Variants in SPAG16 observed in about 807,000 individuals in gnomAD.
SPAG16 encodes sperm associated antigen 16, also known as sperm-associated antigen 16 protein.
A neutral mutation model predicts 80.4 loss-of-function variants in SPAG16; 86 were observed. The ratio of observed to expected loss-of-function variants is 1.07; its 90% CI spans 0.90 to 1.28. The LOEUF is 1.28. Ranked by LOEUF, SPAG16 falls within the 50% of genes most tolerant of loss-of-function variation. SPAG16 has a pLI of 0.00. For missense variants in SPAG16, 870 were observed against 765.3 expected, an observed-to-expected ratio of 1.14 and a Z score of -1.61; for synonymous variants, 294 against 265.9, an observed-to-expected ratio of 1.11 and a Z score of -1.03.
At chr2:213,638,509 C>T (rs967087339) in intron 10 of SPAG16, among the ~76,000 whole-genome samples, 1 of 152,068 alleles carries the variant, frequency 6.6e-6, no homozygotes, top group Non-Finnish European at 1.5e-5. Context: ...ACCCAAAGAC[C>T]ATTCAGGAGC....
At chr2:214,172,440 G>A (rs1487963980) in intron 15 of SPAG16, among the ~76,000 whole-genome samples, 1 of 151,940 alleles carries the variant, frequency 6.6e-6, no homozygotes, top group Admixed American at 6.6e-5. Context: ...ACGTTTTATG[G>A]CTGCACTGCA....
intron 10 of SPAG16, among the ~76,000 whole-genome samples, chr2:213,514,975 T>TAA (rs1162594341): frequency 6.6e-6 from 1 of 152,156 alleles, no homozygotes; most frequent in Non-Finnish European, 1.5e-5. Flanking sequence ...TGTTCACTTA[T>TAA]AAGCATCAAG....
At chr2:213,698,878 T>C (rs993713319) in intron 10 of SPAG16, among the ~76,000 whole-genome samples, 2 of 152,212 alleles carry the variant, frequency 1.3e-5, no homozygotes, top group African/African-American at 4.8e-5. Flanking sequence ...CCTGAATGTG[T>C]AAAACAGTAT....
chr2:214,171,076 A>G (rs564882813), intron 15 of SPAG16, among the ~76,000 whole-genome samples: 38 of 152,076 alleles, frequency 2.5e-4, no homozygotes, highest in African/African-American at 8.9e-4. Context: ...TACATCCAAG[A>G]GCGCCTCACA....
At chr2:213,574,491 C>T (rs902270433) in intron 10 of SPAG16, among the ~76,000 whole-genome samples, 1 of 151,740 alleles carries the variant, frequency 6.6e-6, no homozygotes, top group African/African-American at 2.4e-5. Flanking sequence ...GAGGAAAATC[C>T]CATGTGCCAA....
intron 13 of SPAG16, among the ~76,000 whole-genome samples, chr2:214,061,790 G>C (rs1470174798): frequency 6.6e-6 from 1 of 152,140 alleles, no homozygotes; most frequent in African/African-American, 2.4e-5. Flanking sequence ...AGTTGCTTCA[G>C]TAGTGAGGAG....
chr2:214,018,719 A>C (rs1203503143), intron 13 of SPAG16, among the ~76,000 whole-genome samples: 1 of 152,190 alleles, frequency 6.6e-6, no homozygotes, highest in Non-Finnish European at 1.5e-5. Flanking sequence ...TTGTCACCTC[A>C]ATGTGATCAG....
chr2:213,410,874 C>G (rs1478045746), intron 9 of SPAG16, among the ~76,000 whole-genome samples: 1 of 152,238 alleles, frequency 6.6e-6, no homozygotes, highest in Admixed American at 6.5e-5. Context: ...CTCTCTCTCT[C>G]TGCTATATCC....
At chr2:213,427,568 A>G (rs977669071) in intron 9 of SPAG16, among the ~76,000 whole-genome samples, 1 of 152,202 alleles carries the variant, frequency 6.6e-6, no homozygotes, top group South Asian at 2.1e-4. Context: ...CATCTCAATA[A>G]GAAAGTCGAG....
intron 10 of SPAG16, among the ~76,000 whole-genome samples, chr2:213,702,459 G>A (rs1019720837): frequency 6.6e-6 from 1 of 152,128 alleles, no homozygotes; most frequent in Admixed American, 6.5e-5. Context: ...AGGCCAGTGA[G>A]ACCACGAACT....
chr2:214,114,637 C>A (rs1463369962), intron 14 of SPAG16, among the ~76,000 whole-genome samples: 1 of 152,196 alleles, frequency 6.6e-6, no homozygotes, highest in African/African-American at 2.4e-5. Context: ...ATCTCCTTGT[C>A]TGCCGGTTGC....
At chr2:214,183,642 A>T (rs2057374324) in intron 15 of SPAG16, among the ~76,000 whole-genome samples, 1 of 152,072 alleles carries the variant, frequency 6.6e-6, no homozygotes, top group Non-Finnish European at 1.5e-5. Context: ...ATGAAAGGGA[A>T]GCAGGGACAA....
intron 11 of SPAG16, among the ~76,000 whole-genome samples, chr2:213,888,501 A>G (rs1424795241): frequency 6.6e-6 from 1 of 151,698 alleles, no homozygotes; most frequent in Non-Finnish European, 1.5e-5. Context: ...CTCAGTTATT[A>G]GTTCTTTAGA....
chr2:213,430,868 A>G (rs1400830258), intron 9 of SPAG16, among the ~76,000 whole-genome samples: 1 of 152,192 alleles, frequency 6.6e-6, no homozygotes, highest in Non-Finnish European at 1.5e-5. Flanking sequence ...ACTCTATCAG[A>G]CCAAGAGCAA....
intron 13 of SPAG16, among the ~76,000 whole-genome samples, chr2:214,092,633 A>G (rs1427230296): frequency 1.3e-5 from 2 of 152,006 alleles, no homozygotes; most frequent in African/African-American, 4.8e-5. Flanking sequence ...TTTATTTAAA[A>G]TTTTGATAAT....
chr2:214,007,171 G>T (rs1312681821), intron 12 of SPAG16, among the ~76,000 whole-genome samples: 2 of 151,988 alleles, frequency 1.3e-5, no homozygotes, highest in African/African-American at 2.4e-5. Context: ...TAATAATGTT[G>T]CATTTGCCTA....
intron 10 of SPAG16, among the ~76,000 whole-genome samples, chr2:213,815,236 A>G (rs2072449783): frequency 6.6e-6 from 1 of 152,190 alleles, no homozygotes; most frequent in African/African-American, 2.4e-5. Context: ...ACAAATGGCT[A>G]CATACTATAT....
intron 15 of SPAG16, among the ~76,000 whole-genome samples, chr2:214,402,302 C>T (rs1701754616): frequency 6.6e-6 from 1 of 151,970 alleles, no homozygotes; most frequent in South Asian, 2.1e-4. Flanking sequence ...TAACAAGTTT[C>T]ATGCCTCTCA....
chr2:213,635,248 G>A (rs1277002151), intron 10 of SPAG16, among the ~76,000 whole-genome samples: 1 of 151,920 alleles, frequency 6.6e-6, no homozygotes, highest in East Asian at 1.9e-4. Flanking sequence ...TGCTAGCCAG[G>A]ATGGTCTCGA....
Sources: gnomAD v4.1 joint callset for allele counts (sites outside exome capture counted in the v4.1 genomes callset) on GRCh38, gnomAD v4.1.1 for gene constraint, MANE v1.5 for transcripts, NCBI Gene and HGNC (gene_info 2026-07-23, HGNC 2026-07-21) for gene names.